Variants in PCDH11X observed in about 807,000 individuals in gnomAD.
PCDH11X encodes protocadherin 11 X-linked, also known as protocadherin-11 X-linked.
A neutral mutation model predicts 53.3 loss-of-function variants in PCDH11X; 18 were observed. The observed-to-expected ratio is 0.34, with a 90% CI of 0.23 to 0.50. PCDH11X has a LOEUF of 0.50. PCDH11X is among the 20% of genes least tolerant of loss of function. The pLI is 0.98. For synonymous variants in PCDH11X, 279 were observed against 393.3 expected (o/e 0.71, Z 3.44); for missense variants, 570 against 1,032.4 (o/e 0.55, Z 6.14).
chrX:92,282,658 A>G (rs931500175), intron 8 of PCDH11X, among the ~76,000 whole-genome samples: 1 of 111,665 alleles, frequency 9.0e-6, no homozygotes, highest in African/African-American at 3.2e-5. Context: ...TATGAGCTAG[A>G]TGGTTTAGTA....
intron 10 of PCDH11X, among the ~76,000 whole-genome samples, chrX:92,606,825 T>G (rs1302839144): frequency 9.0e-6 from 1 of 111,706 alleles, no homozygotes; most frequent in East Asian, 2.8e-4. Context: ...CCAACAATAG[T>G]AATGCAAAAG....
At chrX:92,497,974 C>T (rs141830845) in intron 10 of PCDH11X, among the ~76,000 whole-genome samples, 8 of 111,582 alleles carry the variant, frequency 7.2e-5, no homozygotes, top group Non-Finnish European at 1.5e-4. Context: ...TGACAAAATG[C>T]CTGCTTAATT....
At chrX:91,959,622 TC>T (rs1467136149) in intron 6 of PCDH11X, among the ~76,000 whole-genome samples, 1 of 100,711 alleles carries the variant, frequency 9.9e-6, no homozygotes, top group Non-Finnish European at 2.0e-5. Context: ...TGGTAGGTTT[TC>T]CTTTTTTTAA....
At chrX:92,617,016 T>G (rs1365870472) in intron 10 of PCDH11X, among the ~76,000 whole-genome samples, 5 of 111,800 alleles carry the variant, frequency 4.5e-5, no homozygotes, top group Non-Finnish European at 9.4e-5. Context: ...ATTTTCAATC[T>G]GTATGTCTTT....
intron 10 of PCDH11X, among the ~76,000 whole-genome samples, chrX:92,597,659 T>G (rs1455660127): frequency 9.0e-6 from 1 of 111,498 alleles, no homozygotes; most frequent in Non-Finnish European, 1.9e-5. Flanking sequence ...GCATTCTTTA[T>G]AGCAATAGAA....
intron 7 of PCDH11X, among the ~76,000 whole-genome samples, chrX:92,230,928 T>C (rs773313917): frequency 1.8e-5 from 2 of 110,816 alleles, no homozygotes; most frequent in South Asian, 7.6e-4. Flanking sequence ...AGAACATTAG[T>C]CACTGTTTCA....
chrX:92,261,061 T>C (rs1264931470), intron 7 of PCDH11X, among the ~76,000 whole-genome samples: 6 of 111,224 alleles, frequency 5.4e-5, no homozygotes, highest in African/African-American at 2.0e-4. Context: ...TTTTTTCCCC[T>C]TCCAGCATTG....
rs1399913820 is a variant in PCDH11X, at chrX:92,570,827, A to T, written c.3368-47437A>T. ...TATTTTTGATGAATATATTCTGCTA[A>T]CTTGAGCTTGAATGGAAGCACTGTT... On this transcript the variant is annotated intron_variant, in intron 10 of 10. Transcript: ENST00000682573. Among the ~76,000 whole-genome samples, 140 of 106,135 alleles carry T rather than the reference A, an allele frequency of 1.3e-3. 3 individuals carry two copies. Among genetic ancestry groups the T allele is most frequent in the East Asian group, 2.1e-3 (7 of 3,388 alleles). 92.2% of individuals were successfully genotyped at this position (106,135 alleles called of 115,157 possible). A position where few individuals can be genotyped will look rare whatever the true frequency, so the allele number is the denominator to read the frequency against.
chrX:92,564,100 G>T (rs1289618521), intron 10 of PCDH11X, among the ~76,000 whole-genome samples: 1 of 110,440 alleles, frequency 9.1e-6, no homozygotes, highest in Non-Finnish European at 1.9e-5. Context: ...ATAAAATTCT[G>T]ATAAAAGTAA....
intron 7 of PCDH11X, among the ~76,000 whole-genome samples, chrX:92,206,609 C>T (rs992389078): frequency 9.0e-6 from 1 of 110,904 alleles, no homozygotes; most frequent in Non-Finnish European, 1.9e-5. Context: ...TCACTGTAAC[C>T]TCTGCCCCCT....
chrX:92,179,964 T>C (rs1213221384), intron 6 of PCDH11X, among the ~76,000 whole-genome samples: 1 of 111,604 alleles, frequency 9.0e-6, no homozygotes. Context: ...TCAGTTGGTT[T>C]CCTGGACCTC....
intron 10 of PCDH11X, among the ~76,000 whole-genome samples, chrX:92,606,482 T>A (rs1926840294): frequency 9.3e-6 from 1 of 107,189 alleles, no homozygotes; most frequent in South Asian, 4.2e-4. Flanking sequence ...TGCAAAAGGA[T>A]AATTTTTAGA....
intron 10 of PCDH11X, among the ~76,000 whole-genome samples, chrX:92,504,341 C>A (rs1186940138): frequency 1.9e-5 from 2 of 107,447 alleles, no homozygotes; most frequent in East Asian, 6.0e-4. Context: ...TTAGCTCTTA[C>A]TTGTAAGTGA....
intron 8 of PCDH11X, among the ~76,000 whole-genome samples, chrX:92,378,888 A>C (rs1225069803): frequency 8.8e-6 from 1 of 113,307 alleles, no homozygotes; most frequent in Non-Finnish European, 1.9e-5. Flanking sequence ...GGGTGACACA[A>C]ACATTCACTC....
intron 8 of PCDH11X, among the ~76,000 whole-genome samples, chrX:92,372,883 T>C (rs1319088951): frequency 9.1e-6 from 1 of 109,622 alleles, no homozygotes; most frequent in Non-Finnish European, 1.9e-5. Context: ...TAGATTTGAT[T>C]ATACAATTAA....
chrX:92,050,753 G>A (rs1396432728), intron 6 of PCDH11X, among the ~76,000 whole-genome samples: 1 of 110,004 alleles, frequency 9.1e-6, no homozygotes, highest in Non-Finnish European at 1.9e-5. Context: ...CAGAGTTAAC[G>A]AATAATACAT....
At chrX:92,127,824 C>T (rs2064897350) in intron 6 of PCDH11X, among the ~76,000 whole-genome samples, 1 of 111,082 alleles carries the variant, frequency 9.0e-6, no homozygotes, top group South Asian at 3.8e-4. Context: ...CCCAGCCTTA[C>T]CCTTCCCCCT....
chrX:92,277,747 G>A (rs1469500674), intron 8 of PCDH11X, among the ~76,000 whole-genome samples: 3 of 110,419 alleles, frequency 2.7e-5, no homozygotes, highest in Admixed American at 9.7e-5. Context: ...GCAGAGATAC[G>A]AGGCTGGGGT....
At chrX:92,229,472 T>C (rs2067029377) in intron 7 of PCDH11X, among the ~76,000 whole-genome samples, 1 of 110,932 alleles carries the variant, frequency 9.0e-6, no homozygotes, top group Non-Finnish European at 1.9e-5. Context: ...GAAATATAAA[T>C]GCCAACGCCT....
Sources: allele counts gnomAD v4.1 joint callset (sites outside exome capture counted in the v4.1 genomes callset), GRCh38; gene constraint gnomAD v4.1.1; transcripts MANE v1.5; gene names NCBI Gene and HGNC (gene_info 2026-07-23, HGNC 2026-07-21).